The following OPCML variants were observed in gnomAD, a reference collection of about 807,000 sequenced individuals.
OPCML encodes the protein opioid binding protein/cell adhesion molecule like.
In OPCML, 13 loss-of-function variants were observed where a neutral mutation model predicts 37.8. The ratio of observed to expected loss-of-function variants is 0.34; its 90% CI spans 0.22 to 0.55. The LOEUF (loss-of-function observed/expected upper bound fraction) is 0.55, where lower values mean the gene tolerates loss of function less well. OPCML is among the 20% of genes least tolerant of loss of function. The pLI, the probability that OPCML is intolerant of heterozygous loss-of-function variation, is 0.91. For synonymous variants in OPCML, 176 were observed against 168.8 expected (o/e 1.04, Z -0.33); for missense variants, 341 against 435.6 (o/e 0.78, Z 1.93).
chr11:133,507,453 G>A (rs577988777), intron 1 of OPCML, among the ~76,000 whole-genome samples: 16 of 152,324 alleles, frequency 1.1e-4, no homozygotes, highest in African/African-American at 3.8e-4. Context: ...AATTGGGGCT[G>A]AGAAAGTCCA....
intron 2 of OPCML, among the ~76,000 whole-genome samples, chr11:132,699,520 C>T (rs1259814893): frequency 6.6e-6 from 1 of 151,970 alleles, no homozygotes; most frequent in African/African-American, 2.4e-5. Context: ...GAGGCACATT[C>T]GTTCTATAAA....
At chr11:133,148,224 C>CT (rs1949925474) in intron 1 of OPCML, among the ~76,000 whole-genome samples, 1 of 152,216 alleles carries the variant, frequency 6.6e-6, no homozygotes. Context: ...GAGGTAGCCT[C>CT]TCTCCTGTGG....
chr11:133,080,889 G>A (rs1186780079), intron 1 of OPCML, among the ~76,000 whole-genome samples: 1 of 152,108 alleles, frequency 6.6e-6, no homozygotes, highest in Non-Finnish European at 1.5e-5. Flanking sequence ...AGATATCGGT[G>A]CAGAACACGA....
At chr11:132,505,189 C>T (rs181345348) in intron 4 of OPCML, among the ~76,000 whole-genome samples, 1 of 152,176 alleles carries the variant, frequency 6.6e-6, no homozygotes, top group East Asian at 1.9e-4. Context: ...GGGCAAGGCA[C>T]CATCCACTTA....
intron 1 of OPCML, among the ~76,000 whole-genome samples, chr11:133,415,936 A>T (rs2136880530): frequency 6.6e-6 from 1 of 152,352 alleles, no homozygotes; most frequent in East Asian, 1.9e-4. Flanking sequence ...GTCTTGAAAC[A>T]GCAAGGAACT....
At chr11:133,080,372 C>T (rs1035761385) in intron 1 of OPCML, among the ~76,000 whole-genome samples, 3 of 151,934 alleles carry the variant, frequency 2.0e-5, no homozygotes, top group African/African-American at 7.3e-5. Context: ...GTGGCCCACA[C>T]GGTGAGTAGG....
intron 1 of OPCML, among the ~76,000 whole-genome samples, chr11:133,440,004 A>G (rs537759368): frequency 4.6e-5 from 7 of 152,366 alleles, no homozygotes; most frequent in African/African-American, 1.7e-4. Context: ...AAAGTTGAAA[A>G]GCATTTGGTA....
At chr11:133,117,953 T>C (rs1255722107) in intron 1 of OPCML, 1 of 984,708 alleles carries the variant, frequency 1.0e-6, no homozygotes, top group Non-Finnish European at 1.2e-6. Context: ...CTGTCCAAGT[T>C]CCCCCATCCT....
At chr11:132,623,606 A>G (rs1314956403) in intron 3 of OPCML, among the ~76,000 whole-genome samples, 1 of 152,144 alleles carries the variant, frequency 6.6e-6, no homozygotes, top group Non-Finnish European at 1.5e-5. Flanking sequence ...TTAACGAGAA[A>G]ATCTGGAAGG....
intron 1 of OPCML, among the ~76,000 whole-genome samples, chr11:133,128,779 G>A (rs1294752351): frequency 6.6e-6 from 1 of 152,092 alleles, no homozygotes; most frequent in African/African-American, 2.4e-5. Context: ...TTGACACCAG[G>A]AGAGGGAGAG....
At chr11:132,473,902 T>C (rs1309210113) in intron 4 of OPCML, among the ~76,000 whole-genome samples, 1 of 151,874 alleles carries the variant, frequency 6.6e-6, no homozygotes, top group Non-Finnish European at 1.5e-5. Context: ...CAGATGAAAA[T>C]CCAAACAGAA....
intron 1 of OPCML, among the ~76,000 whole-genome samples, chr11:133,195,773 A>T (rs962806080): frequency 6.6e-6 from 1 of 152,176 alleles, no homozygotes; most frequent in African/African-American, 2.4e-5. Flanking sequence ...CTAGGGACAC[A>T]TTTGTCTTCT....
chr11:133,275,135 A>G (rs1192155249), intron 1 of OPCML, among the ~76,000 whole-genome samples: 2 of 152,150 alleles, frequency 1.3e-5, no homozygotes, highest in Non-Finnish European at 2.9e-5. Context: ...GAGGCTGGGT[A>G]AATATTGGGT....
At chr11:133,339,897 C>T (rs911807897) in intron 1 of OPCML, among the ~76,000 whole-genome samples, 1 of 152,130 alleles carries the variant, frequency 6.6e-6, no homozygotes, top group Non-Finnish European at 1.5e-5. Flanking sequence ...GTACATGGCT[C>T]CTGAGAACAT....
intron 1 of OPCML, among the ~76,000 whole-genome samples, chr11:132,974,882 T>A (rs1946422028): frequency 6.6e-6 from 1 of 151,592 alleles, no homozygotes; most frequent in Non-Finnish European, 1.5e-5. Context: ...GGATTCTGAA[T>A]GTTGGGGTTC....
chr11:132,505,007 A>G (rs1320237632), intron 4 of OPCML, among the ~76,000 whole-genome samples: 5 of 152,108 alleles, frequency 3.3e-5, no homozygotes, highest in African/African-American at 1.2e-4. Context: ...TTCAACCATT[A>G]CCATGCATCA....
intron 4 of OPCML, among the ~76,000 whole-genome samples, chr11:132,509,985 C>T (rs1395054003): frequency 4.6e-5 from 7 of 152,110 alleles, no homozygotes; most frequent in South Asian, 2.1e-4. Flanking sequence ...AATGCCTGCT[C>T]GTGAAAGCAG....
intron 1 of OPCML, among the ~76,000 whole-genome samples, chr11:133,159,795 AC>A (rs1375674829): frequency 1.3e-5 from 2 of 152,212 alleles, no homozygotes; most frequent in East Asian, 3.9e-4. Flanking sequence ...ACGTGTGCCC[AC>A]CCTGACCTAT....
At chr11:133,008,455 T>G (rs1309250721) in intron 1 of OPCML, 1 of 981,452 alleles carries the variant, frequency 1.0e-6, no homozygotes, top group Non-Finnish European at 1.2e-6. Flanking sequence ...GTAGATGCCA[T>G]GATGCAGTCC....
Sources: gnomAD v4.1 joint callset for allele counts (sites outside exome capture counted in the v4.1 genomes callset) on GRCh38, gnomAD v4.1.1 for gene constraint, MANE v1.5 for transcripts, NCBI Gene and HGNC (gene_info 2026-07-23, HGNC 2026-07-21) for gene names.